Variants in LRRTM4 observed in about 807,000 individuals in gnomAD.
LRRTM4 encodes leucine-rich repeat transmembrane neuronal protein 4.
LRRTM4 carries 25 observed loss-of-function variants against 47.6 expected under a neutral mutation model. That is an observed-to-expected ratio of 0.53 (90% CI 0.38 to 0.73). The LOEUF is 0.73. Ranked by LOEUF, LRRTM4 falls within the 30% of genes least tolerant of loss-of-function variation. The pLI is 0.00. For missense variants in LRRTM4, 638 were observed against 713.4 expected (o/e 0.89, Z 1.20); for synonymous variants, 311 against 269.5 (o/e 1.15, Z -1.51).
intron 3 of LRRTM4, among the ~76,000 whole-genome samples, chr2:77,349,512 T>C (rs1348041316): frequency 6.6e-6 from 1 of 152,126 alleles, no homozygotes; most frequent in Non-Finnish European, 1.5e-5. Context: ...AAATGTCATA[T>C]AACTATGAAG....
At chr2:77,446,003 A>C (rs1034602179) in intron 3 of LRRTM4, among the ~76,000 whole-genome samples, 2 of 152,032 alleles carry the variant, frequency 1.3e-5, no homozygotes, top group Admixed American at 6.6e-5. Context: ...TAATGCAAAA[A>C]ATATGGAGCA....
chr2:77,061,571 T>TG (rs1679786269), intron 3 of LRRTM4, among the ~76,000 whole-genome samples: 1 of 152,044 alleles, frequency 6.6e-6, no homozygotes, highest in African/African-American at 2.4e-5. Flanking sequence ...GTGTTCAGTG[T>TG]GGGGGCCAGA....
At chr2:77,151,007 C>T (rs749588270) in intron 3 of LRRTM4, among the ~76,000 whole-genome samples, 8 of 152,094 alleles carry the variant, frequency 5.3e-5, no homozygotes, top group African/African-American at 1.4e-4. Flanking sequence ...AATTGGTATA[C>T]GAAAAACTGT....
At position 77,521,672 on chromosome 2, in the gene LRRTM4, C is replaced by T; in HGVS notation, c.-1G>A. The T allele has an allele frequency of 6.2e-7, 1 of 1,612,150 alleles. No individual in the cohort carries two copies. The highest frequency in any genetic ancestry group is 8.5e-7 in the Non-Finnish European group (1 of 1,179,078). The stretch of plus-strand genomic sequence containing the variant: ...AAACAACAAAAGTTCACTTACCCAT[C>T]CTTTGTCATCCAAAAACGTTTCCCC... On this transcript the variant is annotated 5_prime_UTR_variant, in exon 2 of 4. Transcript: ENST00000409884.
chr2:77,219,462 GA>G (rs1008352013), intron 3 of LRRTM4, among the ~76,000 whole-genome samples: 8 of 151,476 alleles, frequency 5.3e-5, no homozygotes, highest in Non-Finnish European at 7.4e-5. Flanking sequence ...AAACATACAG[GA>G]AAAAAAACAG....
chr2:77,304,007 T>C (rs1677207090), intron 3 of LRRTM4, among the ~76,000 whole-genome samples: 1 of 152,188 alleles, frequency 6.6e-6, no homozygotes, highest in African/African-American at 2.4e-5. Context: ...GATCATTTTA[T>C]TTTTAACTTT....
intron 3 of LRRTM4, among the ~76,000 whole-genome samples, chr2:76,969,215 A>T (rs1364796653): frequency 6.6e-6 from 1 of 151,954 alleles, no homozygotes; most frequent in Non-Finnish European, 1.5e-5. Context: ...TTGCCCAAGG[A>T]GTAATAGCAT....
At chr2:77,015,064 G>A (rs578041028) in intron 3 of LRRTM4, among the ~76,000 whole-genome samples, 1 of 152,160 alleles carries the variant, frequency 6.6e-6, no homozygotes, top group Non-Finnish European at 1.5e-5. Context: ...GGATAATCAG[G>A]ATGAGTCTGA....
intron 3 of LRRTM4, among the ~76,000 whole-genome samples, chr2:77,043,697 A>G (rs896913533): frequency 6.6e-6 from 1 of 151,920 alleles, no homozygotes; most frequent in Admixed American, 6.6e-5. Context: ...GCCAAACTTT[A>G]TGAAGGATGA....
chr2:76,989,736 T>C (rs1676937404), intron 3 of LRRTM4: 1 of 151,858 alleles, frequency 6.6e-6, no homozygotes, highest in South Asian at 2.1e-4. Context: ...ATTATTACTA[T>C]TGTTTTGATT....
intron 3 of LRRTM4, among the ~76,000 whole-genome samples, chr2:76,978,773 G>T (rs141073047): frequency 3.9e-5 from 6 of 152,150 alleles, no homozygotes; most frequent in South Asian, 2.1e-4. Context: ...TTAGCAAAAG[G>T]TTAAATGGGA....
At chr2:76,789,841 T>A (rs1294623915) in intron 3 of LRRTM4, among the ~76,000 whole-genome samples, 1 of 152,178 alleles carries the variant, frequency 6.6e-6, no homozygotes, top group Non-Finnish European at 1.5e-5. Context: ...GGGTGGGAGA[T>A]AACTGAGTCT....
chr2:76,895,354 A>G (rs1673378182), intron 3 of LRRTM4, among the ~76,000 whole-genome samples: 1 of 152,074 alleles, frequency 6.6e-6, no homozygotes, highest in Non-Finnish European at 1.5e-5. Context: ...ACGAAAATTT[A>G]GTAATTATAA....
chr2:77,461,669 G>T (rs1676794645), intron 3 of LRRTM4, among the ~76,000 whole-genome samples: 2 of 151,910 alleles, frequency 1.3e-5, no homozygotes, highest in Non-Finnish European at 2.9e-5. Context: ...CTCCTCTTTT[G>T]CTGTGAACTT....
At chr2:77,231,734 G>A (rs544767914) in intron 3 of LRRTM4, among the ~76,000 whole-genome samples, 5 of 152,038 alleles carry the variant, frequency 3.3e-5, no homozygotes. Flanking sequence ...TGTATAAACA[G>A]AGACAACATT....
At chr2:76,900,737 C>T (rs1673596075) in intron 3 of LRRTM4, among the ~76,000 whole-genome samples, 1 of 152,108 alleles carries the variant, frequency 6.6e-6, no homozygotes, top group South Asian at 2.1e-4. Context: ...AAAAAGGTGG[C>T]ATATCTATTC....
intron 3 of LRRTM4, among the ~76,000 whole-genome samples, chr2:76,757,767 T>C (rs937109665): frequency 3.3e-5 from 5 of 152,112 alleles, no homozygotes; most frequent in African/African-American, 1.2e-4. Flanking sequence ...TTTAATGACA[T>C]ACAGAAGACA....
intron 3 of LRRTM4, among the ~76,000 whole-genome samples, chr2:76,840,139 G>A (rs1671629782): frequency 6.6e-6 from 1 of 152,132 alleles, no homozygotes; most frequent in African/African-American, 2.4e-5. Context: ...ATTTTCTTGT[G>A]AAGAAGTATA....
At chr2:76,889,191 G>A (rs182186099) in intron 3 of LRRTM4, among the ~76,000 whole-genome samples, 1 of 151,806 alleles carries the variant, frequency 6.6e-6, no homozygotes, top group African/African-American at 2.4e-5. Context: ...TTAATGTAAG[G>A]TTAATGGTGT....
Sources: allele counts gnomAD v4.1 joint callset (sites outside exome capture counted in the v4.1 genomes callset), GRCh38; gene constraint gnomAD v4.1.1; transcripts MANE v1.5; gene names NCBI Gene and HGNC (gene_info 2026-07-23, HGNC 2026-07-21).